Variants in FGD5 observed in about 807,000 individuals in gnomAD.
FGD5 encodes the protein FYVE, RhoGEF and PH domain-containing protein 5.
FGD5 carries 28 observed loss-of-function variants against 133.4 expected under a neutral mutation model. The ratio of observed to expected loss-of-function variants is 0.21; its 90% CI spans 0.16 to 0.29. The LOEUF (loss-of-function observed/expected upper bound fraction) is 0.29. FGD5 is among the 10% of genes least tolerant of loss of function. FGD5 has a pLI of 1.00. For missense variants in FGD5, 1,858 were observed against 1,895.2 expected (o/e 0.98, Z 0.36); for synonymous variants, 810 against 776.5 (o/e 1.04, Z -0.72).
intron 11 of FGD5, among the ~76,000 whole-genome samples, chr3:14,915,316 GC>G (rs2038531190): frequency 6.6e-6 from 1 of 152,224 alleles, no homozygotes; most frequent in Admixed American, 6.5e-5. Flanking sequence ...CCCTCAGCAG[GC>G]TCTGTCTATC....
At chr3:14,842,460 C>G (rs1005387909) in intron 1 of FGD5, among the ~76,000 whole-genome samples, 3 of 152,222 alleles carry the variant, frequency 2.0e-5, no homozygotes, top group African/African-American at 7.2e-5. Context: ...GAGCCCATCT[C>G]AGGCCTCTCA....
intron 1 of FGD5, among the ~76,000 whole-genome samples, chr3:14,834,273 C>T (rs1029756759): frequency 2.6e-5 from 4 of 152,094 alleles, no homozygotes; most frequent in African/African-American, 9.7e-5. Context: ...AGTTCAAATC[C>T]CAGCTCTGCC....
At chr3:14,882,184 G>A in intron 4 of FGD5, 1 of 497,180 alleles carries the variant, frequency 2.0e-6, no homozygotes, top group Non-Finnish European at 2.6e-6. Context: ...AGGCCTGAAG[G>A]ATCAGTTTCC....
At chr3:14,891,683 A>G (rs1412258580) in intron 4 of FGD5, among the ~76,000 whole-genome samples, 1 of 152,172 alleles carries the variant, frequency 6.6e-6, no homozygotes, top group Non-Finnish European at 1.5e-5. Flanking sequence ...AGAGCAGGCT[A>G]TCAGCAGGAG....
At chr3:14,909,264 A>G (rs1319721770) in intron 10 of FGD5, among the ~76,000 whole-genome samples, 1 of 152,270 alleles carries the variant, frequency 6.6e-6, no homozygotes, top group Non-Finnish European at 1.5e-5. Flanking sequence ...CACTGTGCCC[A>G]GCGGGAATTT....
Position 14,922,963 on chromosome 3 carries a change from TAGCAGAGGG to T in FGD5, c.3808-79_3808-71del. ...TCCCTAGGGGCAGTTGTGGGTGGATTAGCAGAGGGAGCGGAGGGGAGGGGTGCAGGTCTC... is the reference window on the plus strand; with the variant it reads ...TCCCTAGGGGCAGTTGTGGGTGGATTAGCGGAGGGGAGGGGTGCAGGTCTC... On this transcript the variant is annotated intron_variant, in intron 15 of 19. Coordinates refer to ENST00000285046, the MANE Select transcript of FGD5 (RefSeq NM_152536.4). This position sits in a 1 kb window ranked among gnomAD's most constrained non-coding sequence, Gnocchi z 4.1. 5.0e-6 allele frequency: 8 copies of T among 1,585,586 alleles called. No individual in the cohort carries two copies. Among genetic ancestry groups the T allele is most frequent in the East Asian group, 2.2e-5 (1 of 44,540 alleles).
At chr3:14,813,023 C>G (rs2036316456) in intron 1 of FGD5, among the ~76,000 whole-genome samples, 1 of 152,018 alleles carries the variant, frequency 6.6e-6, no homozygotes, top group African/African-American at 2.4e-5. Flanking sequence ...TGGTCACTGG[C>G]TTATTGAAGG....
intron 10 of FGD5, among the ~76,000 whole-genome samples, chr3:14,908,317 C>T (rs1011915838): frequency 2.6e-5 from 4 of 152,086 alleles, no homozygotes; most frequent in Non-Finnish European, 5.9e-5. Context: ...GTTTCTTAAA[C>T]ATCTATTTGT....
chr3:14,933,435 C>A lies in FGD5; in HGVS notation c.*268C>A. ...CCCAGTAATAAACTATTTCCTTACC[C>A]CGCAGTGAGTTAAAATTTAGTAAGA... On this transcript the variant is annotated 3_prime_UTR_variant, in exon 20 of 20. Transcript: ENST00000285046. 2.3e-6 allele frequency: 1 copy of A among 441,396 alleles called. No individual in the cohort carries two copies. 27.3% of individuals were successfully genotyped at this position (441,396 alleles called of 1,614,324 possible). A position where few individuals can be genotyped will look rare whatever the true frequency, so the allele number is the denominator to read the frequency against.
At chr3:14,813,109 G>A (rs944735094) in intron 1 of FGD5, among the ~76,000 whole-genome samples, 9 of 152,154 alleles carry the variant, frequency 5.9e-5, no homozygotes, top group South Asian at 2.1e-4. Flanking sequence ...ACGTAGTAGG[G>A]TGTAGGAAAT....
upstream of FGD5, among the ~76,000 whole-genome samples, chr3:14,814,234 C>A (rs1460467053): frequency 6.6e-6 from 1 of 152,188 alleles, no homozygotes; most frequent in African/African-American, 2.4e-5. Flanking sequence ...GACAGGGAAT[C>A]CAGAGAAGGA....
intron 1 of FGD5, among the ~76,000 whole-genome samples, chr3:14,811,677 C>T (rs1241624033): frequency 1.3e-5 from 2 of 152,188 alleles, no homozygotes; most frequent in Non-Finnish European, 2.9e-5. Flanking sequence ...GCAGGGATCC[C>T]TCCAGAGTAG....
At chr3:14,811,098 G>A (rs1260263661) in intron 1 of FGD5, among the ~76,000 whole-genome samples, 4 of 152,034 alleles carry the variant, frequency 2.6e-5, no homozygotes, top group Non-Finnish European at 5.9e-5. Context: ...TCTCAGCCTT[G>A]GCGAGGCCGC....
chr3:14,914,472 T>G (rs1032777886), intron 11 of FGD5, among the ~76,000 whole-genome samples: 3 of 152,164 alleles, frequency 2.0e-5, no homozygotes, highest in Admixed American at 2.0e-4. Flanking sequence ...ATGGGCAAAT[T>G]AGGACGTAGC....
At chr3:14,878,246 C>T (rs1314821526) in intron 2 of FGD5, among the ~76,000 whole-genome samples, 1 of 152,086 alleles carries the variant, frequency 6.6e-6, no homozygotes, top group Non-Finnish European at 1.5e-5. Context: ...CACTGAGGCT[C>T]AGAGATAAGG....
At chr3:14,918,556 G>A (rs1433047748) in intron 12 of FGD5, among the ~76,000 whole-genome samples, 198 bp from the exon 13 acceptor site, 1 of 152,242 alleles carries the variant, frequency 6.6e-6, no homozygotes, top group Non-Finnish European at 1.5e-5. Context: ...CTTCCCAGCG[G>A]TGGGTGAGTG....
Position 14,917,331 on chromosome 3 carries a change from AG to A in FGD5, c.3489+1del. On this transcript the variant is annotated frameshift_variant and splice_region_variant, in exon 12 of 20. Transcript: ENST00000285046. LOFTEE classifies it high-confidence loss of function. This position sits in a 1 kb window ranked among gnomAD's most constrained non-coding sequence, Gnocchi z 4.1. ...AACACATTGGCTGTGGCCAACATGA[AG>A]GTAAATATCTGGTGCCAGGTACCCC... Reference protein sequence around the residue: ...LKNTLAVANMKVSRPVMEKVP... With the variant: ...LKNTLAVANMXVSRPVMEKVP... 1 of 1,612,392 alleles carries A rather than the reference AG, an allele frequency of 6.2e-7. No individual in the cohort carries two copies. The highest frequency in any genetic ancestry group is 8.5e-7 in the Non-Finnish European group (1 of 1,179,250).
chr3:14,813,390 G>T (rs2036323124), intron 1 of FGD5, among the ~76,000 whole-genome samples: 2 of 152,196 alleles, frequency 1.3e-5, no homozygotes, highest in African/African-American at 4.8e-5. Flanking sequence ...CAGCCTAACA[G>T]CAGCCTAATT....
At position 14,907,658 on chromosome 3, in the gene FGD5, G is replaced by A. The variant is rs1489609641; in HGVS notation, c.3283G>A (p.Val1095Ile). Residue 1095 changes from valine to isoleucine, a missense_variant, in exon 10 of 20, where the codon GTC (valine) becomes ATC (isoleucine). By Grantham distance (29) the Val-to-Ile change is conservative. Around this residue, in one of 3 missense-constraint regions of FGD5, gnomAD observed 1,824 missense variants for 1,848.9 expected, o/e 0.99. Transcript: ENST00000285046. ...CCCACAGGAAAACCTGCAGAAGCTG[G>A]TCCACATTGAGCACAGCGTCCGGGG... is the stretch of plus-strand genomic sequence containing the variant. ...MEQGENLQKL[V>I]HIEHSVRGQG... 2 of 1,613,542 alleles carry A rather than the reference G, an allele frequency of 1.2e-6. No homozygotes were observed. The highest frequency in any genetic ancestry group is 2.2e-5 in the East Asian group (1 of 44,882).
Sources: gnomAD v4.1 joint callset for allele counts (sites outside exome capture counted in the v4.1 genomes callset) on GRCh38, gnomAD v4.1.1 for gene constraint, gnomAD v4.1.1 regional missense constraint, Gnocchi (gnomAD v3.1) non-coding constraint, MANE v1.5 for transcripts, NCBI Gene and HGNC (gene_info 2026-07-23, HGNC 2026-07-21) for gene names.